PCCB: variants seen among roughly 807,000 people sequenced by gnomAD.
The protein encoded by PCCB is propionyl-CoA carboxylase beta chain, mitochondrial.
A neutral mutation model predicts 60.7 loss-of-function variants in PCCB; 43 were observed. The observed-to-expected ratio is 0.71, with a 90% CI of 0.55 to 0.91. The LOEUF (loss-of-function observed/expected upper bound fraction) is 0.91. PCCB is among the 40% of genes least tolerant of loss of function. The pLI, the probability that PCCB is intolerant of heterozygous loss-of-function variation, is 0.00. For missense variants in PCCB, 766 were observed against 702.8 expected, an observed-to-expected ratio of 1.09 and a Z score of -1.02; for synonymous variants, 276 against 255.9, an observed-to-expected ratio of 1.08 and a Z score of -0.75.
chr3:136,256,704 G>A, intron 3 of PCCB, 81 bp downstream of exon 3: 3 of 1,005,164 alleles, frequency 3.0e-6, no homozygotes, highest in South Asian at 2.6e-5. Context: ...CCAATCTTGG[G>A]GAATGAAAAC....
chr3:136,315,798 A>G (rs1934867129), intron 9 of PCCB, among the ~76,000 whole-genome samples: 1 of 151,980 alleles, frequency 6.6e-6, no homozygotes, highest in Non-Finnish European at 1.5e-5. Context: ...TCTGCACTCC[A>G]GCCTGGGTCA....
At chr3:136,316,911 T>C in intron 9 of PCCB, 30 bp from the exon 10 acceptor site, 10 of 1,613,146 alleles carry the variant, frequency 6.2e-6, no homozygotes, top group Non-Finnish European at 8.5e-6. Flanking sequence ...CTTTACCATT[T>C]TGAGCTCAGA....
At chr3:136,265,342 T>A (rs1941958004) in intron 5 of PCCB, among the ~76,000 whole-genome samples, 1 of 152,234 alleles carries the variant, frequency 6.6e-6, no homozygotes, top group Non-Finnish European at 1.5e-5. Context: ...AAAAATACCT[T>A]CTTGCCTGTT....
chr3:136,256,430 C>T, intron 2 of PCCB, 125 bp from the exon 3 acceptor site: 2 of 734,382 alleles, frequency 2.7e-6, no homozygotes, highest in South Asian at 1.5e-5. Context: ...CCTTCATGTT[C>T]CTTGTTCATA....
At chr3:136,291,336 G>T (rs1933679248) in intron 6 of PCCB, among the ~76,000 whole-genome samples, 1 of 152,122 alleles carries the variant, frequency 6.6e-6, no homozygotes, top group Non-Finnish European at 1.5e-5. Flanking sequence ...TGCTACATCT[G>T]ATTCCAGTTC....
rs1285968732 is a variant in PCCB, at chr3:136,304,837, AC to A, written c.966+3729del. Among the ~76,000 whole-genome samples, 10 of 115,838 alleles carry A rather than the reference AC, an allele frequency of 8.6e-5. 1 individual carries two copies. The highest frequency in any genetic ancestry group is 2.3e-4 in the African/African-American group (9 of 38,366). 76.0% of individuals were successfully genotyped at this position (115,838 alleles called of 152,430 possible). A position where few individuals can be genotyped will look rare whatever the true frequency, so the allele number is the denominator to read the frequency against. ...CTCCTGAATAGCTGTGATTTCAGGC[AC>A]CCGCCACCACGCTTGGCTAATTTTT... On this transcript the variant is annotated intron_variant, in intron 9 of 14. Coordinates refer to ENST00000251654, the MANE Select transcript of PCCB (RefSeq NM_000532.5).
intron 8 of PCCB, among the ~76,000 whole-genome samples, chr3:136,300,636 C>T (rs1934231078): frequency 6.6e-6 from 1 of 152,296 alleles, no homozygotes; most frequent in South Asian, 2.1e-4. Flanking sequence ...CTTTGCATTT[C>T]CAAGTCCTTG....
At chr3:136,285,372 A>G (rs372093125) in intron 6 of PCCB, among the ~76,000 whole-genome samples, 18 of 152,064 alleles carry the variant, frequency 1.2e-4, no homozygotes, top group East Asian at 9.7e-4. Context: ...TAGTATCTTC[A>G]GTCTGTCCGT....
chr3:136,253,311 G>A (rs994661496), intron 1 of PCCB, among the ~76,000 whole-genome samples: 4 of 150,518 alleles, frequency 2.7e-5, no homozygotes, highest in Admixed American at 6.6e-5. Context: ...GGATGGTCTC[G>A]ATCTCCTGAC....
At chr3:136,309,286 G>GAA (rs1934569007) in intron 9 of PCCB, among the ~76,000 whole-genome samples, 1 of 144,428 alleles carries the variant, frequency 6.9e-6, no homozygotes, top group African/African-American at 2.5e-5. Context: ...AAAAAGAAAA[G>GAA]AAAAACAGAT....
intron 5 of PCCB, among the ~76,000 whole-genome samples, chr3:136,262,312 A>G (rs572459117): frequency 6.6e-6 from 1 of 152,388 alleles, no homozygotes; most frequent in Admixed American, 6.5e-5. Context: ...AAGATCGTTC[A>G]TAAGGGAAAA....
At chr3:136,287,874 G>A (rs1300366709) in intron 6 of PCCB, among the ~76,000 whole-genome samples, 1 of 151,974 alleles carries the variant, frequency 6.6e-6, no homozygotes, top group Non-Finnish European at 1.5e-5. Context: ...TTATTTTCTG[G>A]TGCTGATGTA....
intron 10 of PCCB, among the ~76,000 whole-genome samples, chr3:136,320,561 C>T (rs1935073591): frequency 6.6e-6 from 1 of 152,126 alleles, no homozygotes; most frequent in African/African-American, 2.4e-5. Flanking sequence ...TGCAACTTTG[C>T]TGGGTTTATT....
chr3:136,255,971 A>G lies in PCCB; in HGVS notation c.299A>G (p.Asn100Ser), dbSNP rs1576402361. ...GATTTTGGAATGGCTGCTGATAAGA[A>G]TAAGGTATTTGTTCAAATGGTGGTG... ...CADFGMAADK[N>S]KFPGDSVVTG... is the part of the protein sequence containing the mutation. Residue 100 changes from asparagine to serine, a missense_variant, in exon 2 of 15, where the codon AAT (asparagine) becomes AGT (serine). Coordinates refer to ENST00000251654, the MANE Select transcript of PCCB (RefSeq NM_000532.5). 1 of 1,614,210 alleles carries G rather than the reference A, an allele frequency of 6.2e-7. No homozygotes were observed. Among genetic ancestry groups the G allele is most frequent in the Non-Finnish European group, 8.5e-7 (1 of 1,180,010 alleles).
At chr3:136,291,774 G>A (rs143986837) in intron 6 of PCCB, among the ~76,000 whole-genome samples, 224 of 152,286 alleles carry the variant, frequency 1.5e-3, no homozygotes, top group African/African-American at 4.9e-3. Flanking sequence ...GCTCTCGTGC[G>A]TTTCAGAAGG....
At chr3:136,326,447 G>C in intron 10 of PCCB, 3 of 701,072 alleles carry the variant, frequency 4.3e-6, no homozygotes, top group Non-Finnish European at 7.8e-6. Context: ...ATCATCAGTG[G>C]AGCCAGAATC....
intron 10 of PCCB, among the ~76,000 whole-genome samples, chr3:136,322,991 A>G (rs1935160211): frequency 7.8e-6 from 1 of 127,890 alleles, no homozygotes; most frequent in African/African-American, 3.1e-5. Context: ...TTTCTTGTAA[A>G]TGATGAGTTT....
At chr3:136,293,702 T>C in intron 6 of PCCB, 54 bp from the exon 7 acceptor site, 1 of 1,092,176 alleles carries the variant, frequency 9.2e-7, no homozygotes, top group Non-Finnish European at 1.4e-6. Context: ...ACTCTAAGGC[T>C]GTGACCAGCT....
chr3:136,261,504 A>G (rs1188294579), intron 4 of PCCB, among the ~76,000 whole-genome samples: 1 of 152,216 alleles, frequency 6.6e-6, no homozygotes, highest in African/African-American at 2.4e-5. Flanking sequence ...CATGAGGAAA[A>G]TCTGTCACAT....
Sources: gnomAD v4.1 joint callset for allele counts (sites outside exome capture counted in the v4.1 genomes callset) on GRCh38, gnomAD v4.1.1 for gene constraint, MANE v1.5 for transcripts, NCBI Gene and HGNC (gene_info 2026-07-23, HGNC 2026-07-21) for gene names.